CDC5L: variants seen among roughly 807,000 people sequenced by gnomAD.
The protein encoded by CDC5L is cell division cycle 5-like protein.
In CDC5L, 18 loss-of-function variants were observed where a neutral mutation model predicts 104.1. The ratio of observed to expected loss-of-function variants is 0.17; its 90% CI spans 0.12 to 0.26. CDC5L has a LOEUF of 0.26. CDC5L is among the 10% of genes least tolerant of loss of function. The pLI is 1.00. For missense variants in CDC5L, 673 were observed against 956.9 expected, an observed-to-expected ratio of 0.70 and a Z score of 3.91; for synonymous variants, 331 against 322.7, an observed-to-expected ratio of 1.03 and a Z score of -0.28.
intron 14 of CDC5L, among the ~76,000 whole-genome samples, chr6:44,440,971 G>A (rs1208296570): frequency 6.6e-6 from 1 of 152,128 alleles, no homozygotes; most frequent in Non-Finnish European, 1.5e-5. Flanking sequence ...GCCTCCCAAA[G>A]TGTTGGGATT....
In CDC5L at chr6:44,449,972, C is replaced by G. The variant is rs537260264; in HGVS notation, c.*3261C>G. The G allele has an allele frequency of 6.7e-6, 1 of 150,334 alleles. No homozygotes were observed. The highest frequency in any genetic ancestry group is 2.1e-4 in the South Asian group (1 of 4,774). 9.3% of individuals were successfully genotyped at this position (150,334 alleles called of 1,614,324 possible). A position where few individuals can be genotyped will look rare whatever the true frequency, so the allele number is the denominator to read the frequency against. ...CTCTGCCTCCTGGGCTCGAGTGATTCTCTGCCTCAGCCTTCCAAGTAGCTG... is the reference window on the plus strand; with the variant it reads ...CTCTGCCTCCTGGGCTCGAGTGATTGTCTGCCTCAGCCTTCCAAGTAGCTG... On this transcript the variant is annotated 3_prime_UTR_variant, in exon 16 of 16. Transcript: ENST00000371477.
Position 44,426,123 on chromosome 6 carries a change from T to C in CDC5L, c.1590T>C (p.Arg530=). 1 of 1,603,480 alleles carries C rather than the reference T, an allele frequency of 6.2e-7. No individual in the cohort carries two copies. The highest frequency in any genetic ancestry group is 1.1e-5 in the South Asian group (1 of 89,922). The part of the protein sequence containing the change: ...ARKQAIRDAE[R]VKEMKRMHKA... Reference sequence around the variant, plus strand: ...TTTAGGCCATACGAGATGCAGAGCGTGTAAAGGAAATGAAACGAATGCATA... The same window carrying C: ...TTTAGGCCATACGAGATGCAGAGCGCGTAAAGGAAATGAAACGAATGCATA... Residue 530 remains arginine, a synonymous_variant, in exon 12 of 16, where the codon CGT becomes CGC. Transcript: ENST00000371477.
chr6:44,417,407 C>G (rs1290399865), intron 8 of CDC5L, among the ~76,000 whole-genome samples: 2 of 152,072 alleles, frequency 1.3e-5, no homozygotes, highest in Non-Finnish European at 2.9e-5. Context: ...GTTATTTTTT[C>G]TAAACTAACC....
At chr6:44,428,967 T>C (rs1252005091) in intron 13 of CDC5L, among the ~76,000 whole-genome samples, 3 of 151,512 alleles carry the variant, frequency 2.0e-5, no homozygotes, top group African/African-American at 4.9e-5. Context: ...CTACTAACGA[T>C]GTGGTCTTAA....
chr6:44,401,118 T>A (rs967705980), intron 5 of CDC5L, among the ~76,000 whole-genome samples: 3 of 152,156 alleles, frequency 2.0e-5, no homozygotes, highest in Non-Finnish European at 4.4e-5. Context: ...AGGCTAGAAC[T>A]TCTCTATACT....
In CDC5L at chr6:44,426,115, G is replaced by T. The variant is rs377229940; in HGVS notation, c.1582G>T (p.Ala528Ser). ...AATCATTTTTTAGGCCATACGAGAT[G>T]CAGAGCGTGTAAAGGAAATGAAACG... ...VDARKQAIRD[A>S]ERVKEMKRMH... Residue 528 changes from alanine to serine, a missense_variant, in exon 12 of 16, where the codon GCA (alanine) becomes TCA (serine). Around this residue, in one of 4 missense-constraint regions of CDC5L, gnomAD observed 578 missense variants for 737.0 expected, o/e 0.78. Transcript: ENST00000371477. 6.2e-7 allele frequency: 1 copy of T among 1,603,488 alleles called. No homozygotes were observed. The highest frequency in any genetic ancestry group is 8.5e-7 in the Non-Finnish European group (1 of 1,173,760).
At chr6:44,423,623 G>A (rs1792288371) in intron 10 of CDC5L, among the ~76,000 whole-genome samples, 1 of 152,170 alleles carries the variant, frequency 6.6e-6, no homozygotes, top group African/African-American at 2.4e-5. Flanking sequence ...TACAATATGA[G>A]TAAGCATGGA....
intron 14 of CDC5L, among the ~76,000 whole-genome samples, chr6:44,444,550 A>C (rs1375087676): frequency 6.6e-6 from 1 of 152,144 alleles, no homozygotes; most frequent in Non-Finnish European, 1.5e-5. Context: ...CTCCCCCATT[A>C]GCTCTCTGAT....
Position 44,422,651 on chromosome 6 carries a change from CCTT to C in CDC5L, c.1249_1251del (p.Ser417del), listed in dbSNP as rs774713343. 1.9e-6 allele frequency: 3 copies of C among 1,600,146 alleles called. No individual in the cohort carries two copies. Among genetic ancestry groups the C allele is most frequent in the Admixed American group, 3.5e-5 (2 of 57,678 alleles). On this transcript the variant is annotated inframe_deletion, in exon 10 of 16. Coordinates refer to ENST00000371477, the MANE Select transcript of CDC5L (RefSeq NM_001253.4). Reference sequence around the variant, plus strand: ...TTGGGATTCCTGTCTTTCTAGGACTCCTTCTAATGGAGCTGAAGGGCTGACTCC... The same window carrying C: ...TTGGGATTCCTGTCTTTCTAGGACTCCTAATGGAGCTGAAGGGCTGACTCC...
In CDC5L at chr6:44,424,412, T is replaced by C; in HGVS notation, c.1405-7T>C. The stretch of plus-strand genomic sequence containing the variant: ...ATGAATTGAGAAGGACCACTTCTTT[T>C]CTACAGGAAAGAGAATCCCGAGAAC... On this transcript the variant is annotated splice_polypyrimidine_tract_variant and splice_region_variant and intron_variant, in intron 10 of 15. Coordinates refer to ENST00000371477, the MANE Select transcript of CDC5L (RefSeq NM_001253.4). 1 of 1,609,236 alleles carries C rather than the reference T, an allele frequency of 6.2e-7. No homozygotes were observed.
intron 8 of CDC5L, among the ~76,000 whole-genome samples, chr6:44,417,208 T>C (rs963689929): frequency 6.6e-5 from 10 of 151,778 alleles, no homozygotes; most frequent in Non-Finnish European, 1.2e-4. Flanking sequence ...CATTTGGAGG[T>C]GTTGTCTTTC....
chr6:44,408,526 T>C lies in CDC5L; in HGVS notation c.986T>C (p.Ile329Thr). 1 of 1,613,994 alleles carries C rather than the reference T, an allele frequency of 6.2e-7. No individual in the cohort carries two copies. The highest frequency in any genetic ancestry group is 8.5e-7 in the Non-Finnish European group (1 of 1,179,858). Residue 329 changes from isoleucine (I) to threonine (T), a missense_variant, in exon 8 of 16, where the codon ATA becomes ACA. Coordinates refer to ENST00000371477, the MANE Select transcript of CDC5L (RefSeq NM_001253.4). ...CGTCAAACTGCCGAGGAATCTGGCA[T>C]AACAAATTCTGCTTCCAGTACACTT... ...IARQTAEESG[I>T]TNSASSTLLS...
chr6:44,398,178 G>A (rs898426902), intron 5 of CDC5L, among the ~76,000 whole-genome samples: 27 of 152,138 alleles, frequency 1.8e-4, no homozygotes, highest in African/African-American at 4.6e-4. Context: ...ATTAGCTGCC[G>A]GGGACAGTAA....
At chr6:44,403,716 CAAAT>C (rs1307423436) in intron 5 of CDC5L, 89 bp from the exon 6 acceptor site, 1 of 861,162 alleles carries the variant, frequency 1.2e-6, no homozygotes, top group Non-Finnish European at 1.8e-6. Context: ...ATTTCTTCCC[CAAAT>C]AAATAGATAC....
At chr6:44,424,339 A>C in intron 10 of CDC5L, 80 bp from the exon 11 acceptor site, 1 of 1,247,782 alleles carries the variant, frequency 8.0e-7, no homozygotes. Context: ...CTGTTGTGCT[A>C]TCAATTTTTA....
At chr6:44,398,582 T>G (rs1790978355) in intron 5 of CDC5L, among the ~76,000 whole-genome samples, 1 of 152,262 alleles carries the variant, frequency 6.6e-6, no homozygotes. Flanking sequence ...CAAATCTACC[T>G]TGTAACTTAA....
intron 9 of CDC5L, 50 bp downstream of exon 9, chr6:44,419,647 CTTAGCATATTTGCT>C (rs764526975): frequency 2.0e-5 from 29 of 1,424,762 alleles, no homozygotes; most frequent in Non-Finnish European, 2.8e-5. Context: ...AATTCAAGGA[CTTAGCATATTTGCT>C]TTAGTAATGT....
rs1423823460 is a variant in CDC5L at position 44,422,746 on chromosome 6, G to A, written c.1341G>A (p.Lys447=). ...CGGGTAGAACTCCTCTTCGAGACAA[G>A]TTAAACATTAATCCCGAGGATGGAA... The part of the protein sequence containing the change: ...STPGRTPLRD[K]LNINPEDGMA... The change falls in exon 10 of 16, where the codon AAG becomes AAA. Residue 447 remains lysine (K), a synonymous_variant. Coordinates refer to ENST00000371477, the MANE Select transcript of CDC5L (RefSeq NM_001253.4). 1 of 1,613,068 alleles carries A rather than the reference G, an allele frequency of 6.2e-7. No homozygotes were observed. The highest frequency in any genetic ancestry group is 8.5e-7 in the Non-Finnish European group (1 of 1,179,208).
intron 8 of CDC5L, among the ~76,000 whole-genome samples, chr6:44,419,159 T>C (rs903139500): frequency 2.6e-5 from 4 of 152,168 alleles, no homozygotes; most frequent in Admixed American, 2.0e-4. Context: ...TTAATCCATC[T>C]TGAATTAATT....
Sources: gnomAD v4.1 joint callset for allele counts (sites outside exome capture counted in the v4.1 genomes callset) on GRCh38, gnomAD v4.1.1 for gene constraint, gnomAD v4.1.1 regional missense constraint, MANE v1.5 for transcripts, NCBI Gene and HGNC (gene_info 2026-07-23, HGNC 2026-07-21) for gene names.